Variants in LRRC4C observed in about 807,000 individuals in gnomAD.
The protein encoded by LRRC4C is leucine-rich repeat-containing protein 4C.
LRRC4C carries 5 observed loss-of-function variants against 33.6 expected under a neutral mutation model. The observed-to-expected ratio is 0.15, with a 90% CI of 0.08 to 0.31. The LOEUF (loss-of-function observed/expected upper bound fraction) is 0.31, where lower values mean the gene tolerates loss of function less well. Among genes scored for constraint, LRRC4C ranks in the 10% least tolerant of loss-of-function variants. LRRC4C has a pLI of 1.00. For missense variants in LRRC4C, 560 were observed against 796.7 expected, an observed-to-expected ratio of 0.70 and a Z score of 3.58; for synonymous variants, 329 against 302.0, an observed-to-expected ratio of 1.09 and a Z score of -0.93.
intron 2 of LRRC4C, among the ~76,000 whole-genome samples, chr11:40,854,818 ATTATC>A (rs1953700904): frequency 1.3e-5 from 2 of 151,916 alleles, no homozygotes; most frequent in African/African-American, 2.4e-5. Context: ...CAGTTTATAT[ATTATC>A]TTGTGTTTTT....
At chr11:40,478,776 GT>G (rs923948677) in intron 3 of LRRC4C, among the ~76,000 whole-genome samples, 1 of 152,014 alleles carries the variant, frequency 6.6e-6, no homozygotes, top group Non-Finnish European at 1.5e-5. Context: ...CCTTAAAATT[GT>G]TTTTTTCTGT....
chr11:40,424,922 C>T (rs935672952), intron 3 of LRRC4C, among the ~76,000 whole-genome samples: 2 of 152,122 alleles, frequency 1.3e-5, no homozygotes, highest in African/African-American at 4.8e-5. Context: ...AAGCATTAAT[C>T]TAATAATAAC....
At chr11:40,369,879 G>A (rs750515015) in intron 3 of LRRC4C, among the ~76,000 whole-genome samples, 2 of 152,030 alleles carry the variant, frequency 1.3e-5, no homozygotes, top group Non-Finnish European at 2.9e-5. Flanking sequence ...CCTAAACAAC[G>A]TTTCTAAAAT....
intron 1 of LRRC4C, among the ~76,000 whole-genome samples, chr11:41,244,171 CTCTA>C (rs373356899): frequency 6.1e-5 from 9 of 146,780 alleles, no homozygotes; most frequent in South Asian, 2.1e-4. Flanking sequence ...AGAAAGTTTT[CTCTA>C]TCTATCTATC....
At chr11:41,031,868 G>A (rs1488448175) in intron 1 of LRRC4C, among the ~76,000 whole-genome samples, 1 of 151,968 alleles carries the variant, frequency 6.6e-6, no homozygotes, top group Non-Finnish European at 1.5e-5. Context: ...TTCTGATTCT[G>A]GATACATGCC....
intron 1 of LRRC4C, among the ~76,000 whole-genome samples, chr11:41,003,540 A>G (rs61887627): frequency 0.14 from 20,753 of 152,078 alleles, 1,469 homozygotes; most frequent in Non-Finnish European, 0.16. Context: ...ACCGACAATT[A>G]TGCTGAGGGA....
intron 3 of LRRC4C, among the ~76,000 whole-genome samples, chr11:40,647,788 C>T (rs1253015835): frequency 6.6e-6 from 1 of 152,134 alleles, no homozygotes; most frequent in Non-Finnish European, 1.5e-5. Context: ...TTCTGAATCC[C>T]AAGAAGGACA....
At chr11:40,988,842 G>A (rs1046294071) in intron 1 of LRRC4C, among the ~76,000 whole-genome samples, 4 of 146,400 alleles carry the variant, frequency 2.7e-5, no homozygotes, top group Admixed American at 7.0e-5. Context: ...TCAGCCTCCC[G>A]AGTAGCTGGG....
chr11:40,474,370 G>GGCAAAGGATGTGAACAGACA (rs1953102836), intron 3 of LRRC4C, among the ~76,000 whole-genome samples: 1 of 152,076 alleles, frequency 6.6e-6, no homozygotes. Context: ...GGGAAAACTG[G>GGCAAAGGATGTGAACAGACA]CTAGCCATAT....
chr11:40,691,171 C>A (rs897178231), intron 2 of LRRC4C, among the ~76,000 whole-genome samples: 2 of 151,840 alleles, frequency 1.3e-5, no homozygotes, highest in Non-Finnish European at 2.9e-5. Context: ...CAAAACCAAC[C>A]AAATTAATTT....
intron 3 of LRRC4C, among the ~76,000 whole-genome samples, chr11:40,461,294 A>T (rs1480179796): frequency 1.3e-5 from 2 of 152,112 alleles, no homozygotes; most frequent in African/African-American, 4.8e-5. Context: ...GGATTGACTG[A>T]CTTTTCCATA....
At chr11:40,792,929 T>A (rs1169114594) in intron 2 of LRRC4C, among the ~76,000 whole-genome samples, 1 of 151,972 alleles carries the variant, frequency 6.6e-6, no homozygotes, top group Non-Finnish European at 1.5e-5. Context: ...TAGGTGGGAA[T>A]TGAACAATGA....
At chr11:40,911,671 C>T (rs184851787) in intron 2 of LRRC4C, among the ~76,000 whole-genome samples, 20 of 152,294 alleles carry the variant, frequency 1.3e-4, no homozygotes, top group African/African-American at 3.8e-4. Flanking sequence ...GGCTCCTCAC[C>T]AGCAATGGAA....
At chr11:40,919,957 T>C (rs1438720645) in intron 2 of LRRC4C, among the ~76,000 whole-genome samples, 1 of 152,158 alleles carries the variant, frequency 6.6e-6, no homozygotes, top group African/African-American at 2.4e-5. Flanking sequence ...AAAATATGTG[T>C]ATAATCTACC....
At chr11:40,243,685 A>ATT (rs1866097579) in intron 4 of LRRC4C, among the ~76,000 whole-genome samples, 1 of 139,760 alleles carries the variant, frequency 7.2e-6, no homozygotes, top group African/African-American at 2.6e-5. Context: ...AAAAACTTAT[A>ATT]TCTTTTTTTT....
chr11:40,665,325 AATATATATATATATATATATAT>A (rs1160594156), intron 2 of LRRC4C, among the ~76,000 whole-genome samples: 1 of 13,452 alleles, frequency 7.4e-5, no homozygotes, highest in Admixed American at 1.1e-3. Flanking sequence ...AAAAAAAAAA[AATATATATATATATATATATAT>A]ATATATATAT....
chr11:40,476,721 A>G (rs1953254828), intron 3 of LRRC4C, among the ~76,000 whole-genome samples: 3 of 152,156 alleles, frequency 2.0e-5, no homozygotes, highest in Admixed American at 1.3e-4. Context: ...GTAAAATAAC[A>G]AAGATATTTT....
chr11:41,317,827 G>A (rs1408972977), intron 1 of LRRC4C, among the ~76,000 whole-genome samples: 1 of 151,954 alleles, frequency 6.6e-6, no homozygotes, highest in East Asian at 1.9e-4. Context: ...TCTATTGAAA[G>A]CTTTAACAAT....
chr11:41,210,339 C>T (rs752514239), intron 1 of LRRC4C, among the ~76,000 whole-genome samples: 6 of 152,088 alleles, frequency 3.9e-5, no homozygotes, highest in Non-Finnish European at 7.4e-5. Flanking sequence ...TACTGTTCTC[C>T]TGGTCTTGAA....
Sources: gnomAD v4.1 joint callset for allele counts (sites outside exome capture counted in the v4.1 genomes callset) on GRCh38, gnomAD v4.1.1 for gene constraint, MANE v1.5 for transcripts, NCBI Gene and HGNC (gene_info 2026-07-23, HGNC 2026-07-21) for gene names.